Variants in RBM19 observed in about 807,000 individuals in gnomAD.
The protein encoded by RBM19 is probable RNA-binding protein 19.
RBM19 carries 94 observed loss-of-function variants against 116.8 expected under a neutral mutation model. The observed-to-expected ratio is 0.80, with a 90% CI of 0.68 to 0.95. The LOEUF (loss-of-function observed/expected upper bound fraction) is 0.95, where lower values mean the gene tolerates loss of function less well. Ranked by LOEUF, RBM19 falls within the 40% of genes least tolerant of loss-of-function variation. RBM19 has a pLI of 0.00. For synonymous variants in RBM19, 475 were observed against 494.1 expected (o/e 0.96, Z 0.51); for missense variants, 1,161 against 1,220.7 (o/e 0.95, Z 0.73).
At chr12:113,893,544 G>A (rs550286730) in intron 21 of RBM19, among the ~76,000 whole-genome samples, 19 of 152,198 alleles carry the variant, frequency 1.2e-4, no homozygotes, top group East Asian at 5.8e-4. Context: ...CATTTAGCCC[G>A]CCCTGTCTCA....
At position 113,901,675 on chromosome 12, in the gene RBM19, AT is replaced by A. The variant is rs376276030; in HGVS notation, c.2558+13293del. ...AGGCGCCTGCCACCACGCCTGGCTA[AT>A]TTTTTTTTTTCTATTTTTGGTAGAG... On this transcript the variant is annotated intron_variant, in intron 21 of 23. Transcript: ENST00000261741. 3.3e-3 allele frequency among the ~76,000 whole-genome samples: 483 copies of A among 147,892 alleles called. 5 individuals are homozygous for A. Among genetic ancestry groups the A allele is most frequent in the African/African-American group, 0.011 (442 of 40,454 alleles).
intron 18 of RBM19, among the ~76,000 whole-genome samples, chr12:113,921,352 T>C (rs750831245): frequency 5.9e-5 from 9 of 152,286 alleles, no homozygotes; most frequent in Middle Eastern, 3.4e-3. Flanking sequence ...GATCCCTAAT[T>C]ACATCTTGCC....
chr12:113,825,529 G>A lies in RBM19; in HGVS notation c.2786-2208C>T, dbSNP rs1020535755. Among the ~76,000 whole-genome samples, 15 of 152,176 alleles carry A rather than the reference G, an allele frequency of 9.9e-5. No individual in the cohort carries two copies. The highest frequency in any genetic ancestry group is 1.9e-4 in the Non-Finnish European group (13 of 68,032). ...ACGCAACAAAACAGGGCCCACAGGC[G>A]ATCACTGACGCCCCTCCCATCTGCT... On this transcript the variant is annotated intron_variant, in intron 23 of 23. Transcript: ENST00000261741. The surrounding 1 kb of genome is among the most constrained non-coding windows in gnomAD (Gnocchi z 5.7).
intron 18 of RBM19, among the ~76,000 whole-genome samples, chr12:113,921,369 A>G (rs1264792459): frequency 6.6e-6 from 1 of 152,116 alleles, no homozygotes; most frequent in Non-Finnish European, 1.5e-5. Context: ...TGCCCTCTTG[A>G]CATTAGATTT....
intron 21 of RBM19, among the ~76,000 whole-genome samples, chr12:113,873,628 A>G (rs1304124465): frequency 7.6e-6 from 1 of 132,170 alleles, no homozygotes; most frequent in Non-Finnish European, 1.6e-5. Context: ...CTATTGTCCC[A>G]TGACCCTGCC....
In RBM19 at chr12:113,866,204, C is replaced by A. The variant is rs112279126; in HGVS notation, c.2559-7308G>T. The stretch of plus-strand genomic sequence containing the variant: ...CTGAACTTCTCCAGCTACTGCTCAT[C>A]ATGGTGAGAGCCAGGTGTAGAAAGG... On this transcript the variant is annotated intron_variant, in intron 21 of 23. Coordinates refer to ENST00000261741, the MANE Select transcript of RBM19 (RefSeq NM_016196.4). Among the ~76,000 whole-genome samples, 27 of 152,298 alleles carry A rather than the reference C, an allele frequency of 1.8e-4. 1 individual carries two copies. The highest frequency in any genetic ancestry group is 5.5e-4 in the African/African-American group (23 of 41,568).
chr12:113,938,934 G>A (rs1870309932), intron 15 of RBM19, among the ~76,000 whole-genome samples: 1 of 152,168 alleles, frequency 6.6e-6, no homozygotes. Context: ...ATCTATTTCT[G>A]TTGTTTCAAG....
At chr12:113,874,463 C>T (rs1879517296) in intron 21 of RBM19, among the ~76,000 whole-genome samples, 1 of 152,214 alleles carries the variant, frequency 6.6e-6, no homozygotes, top group Non-Finnish European at 1.5e-5. Flanking sequence ...AGAGCAGACC[C>T]ACTGGGCGGC....
chr12:113,910,265 A>G (rs1593570304), intron 21 of RBM19, among the ~76,000 whole-genome samples: 3 of 152,082 alleles, frequency 2.0e-5, no homozygotes, highest in Admixed American at 6.5e-5. Context: ...GAGGCAGGGG[A>G]GGCAGACACA....
At chr12:113,912,137 C>T (rs548214246) in intron 21 of RBM19, among the ~76,000 whole-genome samples, 3 of 152,296 alleles carry the variant, frequency 2.0e-5, no homozygotes, top group Admixed American at 1.3e-4. Context: ...TGGTGGCCTC[C>T]GGGAAGGGCC....
intron 22 of RBM19, among the ~76,000 whole-genome samples, chr12:113,849,533 G>A (rs2135725482): frequency 6.6e-6 from 1 of 152,380 alleles, no homozygotes. Flanking sequence ...ATCCAGACGA[G>A]TGGGACATTT....
At chr12:113,835,416 C>A (rs1303323147) in intron 23 of RBM19, among the ~76,000 whole-genome samples, 2 of 152,150 alleles carry the variant, frequency 1.3e-5, no homozygotes, top group African/African-American at 4.8e-5. Flanking sequence ...CACGTGAGCA[C>A]CTGACGGCAG....
At chr12:113,907,312 C>T (rs1247530840) in intron 21 of RBM19, among the ~76,000 whole-genome samples, 2 of 152,176 alleles carry the variant, frequency 1.3e-5, no homozygotes, top group East Asian at 1.9e-4. Context: ...ATAAGAGCCA[C>T]GAGGGCAGGA....
In RBM19 at chr12:113,822,312, G is replaced by A. The variant is rs1874474078; in HGVS notation, c.*912C>T. Reference sequence around the variant, plus strand: ...TGCTGGCACAGGCCCTTCCAGGCGGGAGGCTGCGTCTCAGGCTGGAGAAAA... The same window carrying A: ...TGCTGGCACAGGCCCTTCCAGGCGGAAGGCTGCGTCTCAGGCTGGAGAAAA... On this transcript the variant is annotated 3_prime_UTR_variant, in exon 24 of 24. Transcript: ENST00000261741. The A allele has an allele frequency of 6.6e-6, 1 of 152,290 alleles. No individual in the cohort carries two copies. The highest frequency in any genetic ancestry group is 6.5e-5 in the Admixed American group (1 of 15,288). 9.4% of individuals were successfully genotyped at this position (152,290 alleles called of 1,614,324 possible). A position where few individuals can be genotyped will look rare whatever the true frequency, so the allele number is the denominator to read the frequency against.
chr12:113,909,261 TATAGGAGTGCC>T (rs1343568702), intron 21 of RBM19, among the ~76,000 whole-genome samples: 7 of 152,190 alleles, frequency 4.6e-5, no homozygotes, highest in Non-Finnish European at 1.5e-5. Flanking sequence ...TAACTGGGAC[TATAGGAGTGCC>T]ACACAGTTCA....
At chr12:113,912,843 G>T (rs1039586531) in intron 21 of RBM19, among the ~76,000 whole-genome samples, 5 of 152,106 alleles carry the variant, frequency 3.3e-5, no homozygotes, top group African/African-American at 1.2e-4. Flanking sequence ...TCCTGTCTGG[G>T]GCTTCCCTGG....
intron 21 of RBM19, among the ~76,000 whole-genome samples, chr12:113,906,462 A>G (rs1882052615): frequency 6.6e-6 from 1 of 152,198 alleles, no homozygotes; most frequent in Non-Finnish European, 1.5e-5. Context: ...GGTGGGGGGC[A>G]GGTAGTGACT....
rs545062634 is a variant in RBM19, at chr12:113,858,421, C to G, written c.2664+370G>C. 1.4e-4 allele frequency among the ~76,000 whole-genome samples: 21 copies of G among 152,322 alleles called. 1 individual carries two copies. The East Asian group carries it at 3.1e-3, about 22-fold the overall frequency. ...TCCTACTCTCCAAGCGCCCTGCCCT[C>G]TCTGCACTGTTCTGCGTGGCATTTC... On this transcript the variant is annotated intron_variant, in intron 22 of 23. Transcript: ENST00000261741.
At position 113,946,256 on chromosome 12, in the gene RBM19, C is replaced by G. The variant is rs981713022; in HGVS notation, c.1529+98G>C. ...AAGCTCGGTAAGGTATGAACTAAAC[C>G]CATCAGGAGTCAGAAGACCCAGGTG... On this transcript the variant is annotated intron_variant, in intron 12 of 23. Coordinates refer to ENST00000261741, the MANE Select transcript of RBM19 (RefSeq NM_016196.4). The G allele has an allele frequency of 2.6e-6, 4 of 1,535,224 alleles. No homozygotes were observed. In the African/African-American group the frequency reaches 4.1e-5, roughly 16 times the overall value.
Sources: allele counts gnomAD v4.1 joint callset (sites outside exome capture counted in the v4.1 genomes callset), GRCh38; gene constraint gnomAD v4.1.1; non-coding constraint Gnocchi (gnomAD v3.1); transcripts MANE v1.5; gene names NCBI Gene and HGNC (gene_info 2026-07-23, HGNC 2026-07-21).